The following THUMPD3 variants were observed in gnomAD, a reference collection of about 807,000 sequenced individuals.
The protein encoded by THUMPD3 is tRNA (guanine(6)-N(2))-methyltransferase THUMP3.
A neutral mutation model predicts 54.5 loss-of-function variants in THUMPD3; 44 were observed. That is an observed-to-expected ratio of 0.81 (90% confidence interval 0.63 to 1.04). The LOEUF is 1.04. Ranked by LOEUF, THUMPD3 falls within the 50% of genes least tolerant of loss-of-function variation. The probability of loss-of-function intolerance (pLI) is 0.00; values close to 1 mark genes in which losing one functional copy is unlikely to be tolerated. For synonymous variants in THUMPD3, 196 were observed against 201.4 expected, an observed-to-expected ratio of 0.97 and a Z score of 0.23; for missense variants, 604 against 601.3, an observed-to-expected ratio of 1.00 and a Z score of -0.05.
intron 1 of THUMPD3, among the ~76,000 whole-genome samples, chr3:9,364,439 C>T (rs764545862): frequency 2.0e-5 from 3 of 151,936 alleles, no homozygotes; most frequent in Admixed American, 1.3e-4. Context: ...CTCCACCTCC[C>T]GGATTCAAGC....
chr3:9,383,121 C>A (rs1316336653), intron 7 of THUMPD3, 78 bp from the exon 8 acceptor site: 1 of 913,554 alleles, frequency 1.1e-6, no homozygotes, highest in Non-Finnish European at 1.8e-6. Flanking sequence ...CTGTAGCAGT[C>A]TCTCTTCAGA....
In THUMPD3 at chr3:9,371,107, G is replaced by A. The variant is rs559516278; in HGVS notation, c.378G>A (p.Trp126Ter). The A allele has an allele frequency of 3.6e-5, 58 of 1,598,260 alleles. No individual in the cohort carries two copies. The highest frequency in any genetic ancestry group is 2.2e-4 in the Admixed American group (12 of 55,658). The change falls in exon 4 of 10, where the codon TGG (tryptophan) becomes TGA (stop). Residue 126 changes from tryptophan (W) to a stop codon, truncating the protein, a stop_gained. Coordinates refer to ENST00000452837, the MANE Select transcript of THUMPD3 (RefSeq NM_001114092.2). LOFTEE classifies it high-confidence loss of function. Reference sequence around the variant, plus strand: ...AAGACTTGGCTGGAAAACTCCCATGGTCAAACCCCTTAAAAGTGTGGAAAA... The same window carrying A: ...AAGACTTGGCTGGAAAACTCCCATGATCAAACCCCTTAAAAGTGTGGAAAA... ...DFEDLAGKLPWSNPLKVWKIN... is the reference protein window; with the variant it reads ...DFEDLAGKLP
intron 6 of THUMPD3, among the ~76,000 whole-genome samples, chr3:9,380,177 G>A (rs1001983763): frequency 6.6e-6 from 1 of 152,088 alleles, no homozygotes; most frequent in African/African-American, 2.4e-5. Context: ...GAGGCATAAA[G>A]GGGAAGAAAT....
At chr3:9,380,019 A>T (rs1008805429) in intron 6 of THUMPD3, among the ~76,000 whole-genome samples, 2 of 152,170 alleles carry the variant, frequency 1.3e-5, no homozygotes, top group African/African-American at 4.8e-5. Flanking sequence ...GCAATTTTCA[A>T]ATATATCAGA....
intron 5 of THUMPD3, among the ~76,000 whole-genome samples, chr3:9,376,169 T>TA (rs1553592365): frequency 1.3e-5 from 2 of 152,140 alleles, no homozygotes; most frequent in African/African-American, 2.4e-5. Flanking sequence ...AAGTTTAGGA[T>TA]AAAAAAGTGA....
chr3:9,368,082 T>G (rs2031709144), intron 3 of THUMPD3, among the ~76,000 whole-genome samples: 1 of 151,828 alleles, frequency 6.6e-6, no homozygotes, highest in South Asian at 2.1e-4. Flanking sequence ...AAAGTCAGAC[T>G]GAAAATAGAT....
chr3:9,378,248 G>A (rs1022133670), intron 6 of THUMPD3, among the ~76,000 whole-genome samples: 9 of 152,216 alleles, frequency 5.9e-5, no homozygotes, highest in African/African-American at 2.2e-4. Flanking sequence ...TTTCTTCTCT[G>A]TAATCCACTT....
intron 4 of THUMPD3, 35 bp from the exon 5 acceptor site, chr3:9,374,481 C>T (rs1244597174): frequency 6.2e-7 from 1 of 1,608,314 alleles, no homozygotes; most frequent in South Asian, 1.1e-5. Flanking sequence ...TTGAACAATC[C>T]TAAAACTATT....
chr3:9,369,000 T>A (rs1352909125), intron 3 of THUMPD3, among the ~76,000 whole-genome samples: 1 of 152,112 alleles, frequency 6.6e-6, no homozygotes, highest in Non-Finnish European at 1.5e-5. Context: ...TGTTTTGGAT[T>A]TTTGTTTGTT....
At chr3:9,383,419 TTTCAC>T in intron 8 of THUMPD3, 110 bp downstream of exon 8, 1 of 733,754 alleles carries the variant, frequency 1.4e-6, no homozygotes, top group Non-Finnish European at 2.3e-6. Context: ...CAGAGCTGTT[TTTCAC>T]TTAACAACAT....
Position 9,383,210 on chromosome 3 carries a change from G to A in THUMPD3, c.1136G>A (p.Trp379Ter). 2 of 1,613,366 alleles carry A rather than the reference G, an allele frequency of 1.2e-6. No homozygotes were observed. Among genetic ancestry groups the A allele is most frequent in the Non-Finnish European group, 1.7e-6 (2 of 1,179,356 alleles). Residue 379 changes from tryptophan (W) to a stop codon, truncating the protein, a stop_gained, in exon 8 of 10, where the codon TGG (tryptophan) becomes TAG (stop). Coordinates refer to ENST00000452837, the MANE Select transcript of THUMPD3 (RefSeq NM_001114092.2). LOFTEE classifies it high-confidence loss of function. ...KSQIKEGKPS[W>*]GLPIDAVQWD... Reference sequence around the variant, plus strand: ...CTTTGTCCCCACAGCAAACCCTCCTGGGGCTTGCCCATAGATGCTGTTCAG... The same window carrying A: ...CTTTGTCCCCACAGCAAACCCTCCTAGGGCTTGCCCATAGATGCTGTTCAG...
chr3:9,380,356 G>A (rs564825156), intron 6 of THUMPD3, 147 bp from the exon 7 acceptor site: 4 of 591,864 alleles, frequency 6.8e-6, no homozygotes, highest in Non-Finnish European at 1.2e-5. Context: ...AGAATAAGAG[G>A]GCATTTTCAG....
In THUMPD3 at chr3:9,371,302, A is replaced by T; in HGVS notation, c.573A>T (p.Pro191=). 1 of 1,614,124 alleles carries T rather than the reference A, an allele frequency of 6.2e-7. No homozygotes were observed. The highest frequency in any genetic ancestry group is 8.5e-7 in the Non-Finnish European group (1 of 1,180,020). The change falls in exon 4 of 10, where the codon CCA becomes CCT. Residue 191 remains proline (P), a synonymous_variant. Transcript: ENST00000452837. ...ATATCTTAGATTATTATGAAAATCCAGCCATCAAAGAGGATGTATCAACAT... is the reference window on the plus strand; with the variant it reads ...ATATCTTAGATTATTATGAAAATCCTGCCATCAAAGAGGATGTATCAACAT... ...DSHILDYYEN[P]AIKEDVSTLI...
At chr3:9,367,477 TC>T (rs2125309881) in intron 3 of THUMPD3, among the ~76,000 whole-genome samples, 1 of 152,344 alleles carries the variant, frequency 6.6e-6, no homozygotes, top group African/African-American at 2.4e-5. Context: ...AGCATCTGAA[TC>T]CTAAATATTC....
At chr3:9,363,316 G>A (rs1166814507) in intron 1 of THUMPD3, 189 bp downstream of exon 1, 1 of 152,246 alleles carries the variant, frequency 6.6e-6, no homozygotes, top group Non-Finnish European at 1.5e-5. Context: ...GGGCCCTGTA[G>A]GTGGGAGTTG....
At chr3:9,376,797 T>C (rs1249573155) in intron 5 of THUMPD3, among the ~76,000 whole-genome samples, 1 of 152,212 alleles carries the variant, frequency 6.6e-6, no homozygotes, top group Non-Finnish European at 1.5e-5. Context: ...CTAACAGTAA[T>C]GCCTCTAATC....
At chr3:9,380,656 TAGAG>T (rs774855865) in intron 7 of THUMPD3, 38 bp downstream of exon 7, 4 of 1,413,312 alleles carry the variant, frequency 2.8e-6, no homozygotes, top group South Asian at 1.2e-5. Flanking sequence ...CTTTTAGAGT[TAGAG>T]AATCACTTTT....
intron 3 of THUMPD3, among the ~76,000 whole-genome samples, 167 bp from the exon 4 acceptor site, chr3:9,370,893 T>C (rs1211849004): frequency 1.3e-5 from 2 of 152,178 alleles, no homozygotes; most frequent in Admixed American, 1.3e-4. Flanking sequence ...GTAGACACTA[T>C]ACCATTTTAT....
At chr3:9,367,346 C>A (rs2031645408) in intron 3 of THUMPD3, among the ~76,000 whole-genome samples, 1 of 152,212 alleles carries the variant, frequency 6.6e-6, no homozygotes, top group East Asian at 1.9e-4. Context: ...AATAACACTT[C>A]CTCACCATCC....
Sources: allele counts gnomAD v4.1 joint callset (sites outside exome capture counted in the v4.1 genomes callset), GRCh38; gene constraint gnomAD v4.1.1; transcripts MANE v1.5; gene names NCBI Gene and HGNC (gene_info 2026-07-23, HGNC 2026-07-21).